CDK14: variants seen among roughly 807,000 people sequenced by gnomAD.
CDK14 encodes the protein cyclin-dependent kinase 14.
Under a neutral mutation model 60.7 loss-of-function variants are expected in CDK14, and 34 were observed. The ratio of observed to expected loss-of-function variants is 0.56; its 90% CI spans 0.43 to 0.75. CDK14 has a LOEUF of 0.75. Among genes scored for constraint, CDK14 ranks in the 30% least tolerant of loss-of-function variants. The pLI is 0.00. For synonymous variants in CDK14, 197 were observed against 203.7 expected (o/e 0.97, Z 0.28); for missense variants, 482 against 564.1 (o/e 0.85, Z 1.47).
chr7:90,856,537 T>G (rs1314834648), intron 5 of CDK14, among the ~76,000 whole-genome samples: 2 of 152,196 alleles, frequency 1.3e-5, no homozygotes, highest in Non-Finnish European at 2.9e-5. Context: ...ATGAATGCAC[T>G]AACCCGGAGC....
intron 6 of CDK14, among the ~76,000 whole-genome samples, chr7:90,882,562 C>G (rs1400950744): frequency 1.3e-5 from 2 of 152,174 alleles, no homozygotes; most frequent in Admixed American, 1.3e-4. Flanking sequence ...CAAGGATATT[C>G]AGGACTTGAA....
At chr7:91,132,269 A>T (rs1196524256) in intron 14 of CDK14, among the ~76,000 whole-genome samples, 6 of 152,182 alleles carry the variant, frequency 3.9e-5, no homozygotes, top group Admixed American at 3.3e-4. Context: ...TGGATTTTGC[A>T]TGGGCATACA....
intron 11 of CDK14, among the ~76,000 whole-genome samples, chr7:91,049,998 A>G (rs1010980979): frequency 2.0e-5 from 3 of 152,200 alleles, no homozygotes; most frequent in African/African-American, 7.2e-5. Context: ...AAAAGAAGAC[A>G]TTTGACTGAA....
rs747439482 is a variant in CDK14 at position 90,874,503 on chromosome 7, C to CTTTTTTTTTTTTTTT, written c.639+11256_639+11270dup. On this transcript the variant is annotated intron_variant, in intron 6 of 14. Coordinates refer to ENST00000380050, the MANE Select transcript of CDK14 (RefSeq NM_001287135.2). The stretch of plus-strand genomic sequence containing the variant: ...ATCTGGAATCTCATGTCCTTTCATC[C>CTTTTTTTTTTTTTTT]TTTTTTTTTTTTTTTTTTTTTTTTT... Among the ~76,000 whole-genome samples, 3 of 48,010 alleles carry CTTTTTTTTTTTTTTT rather than the reference C, an allele frequency of 6.2e-5. 1 individual carries two copies. Among genetic ancestry groups the CTTTTTTTTTTTTTTT allele is most frequent in the Non-Finnish European group, 1.2e-4 (3 of 25,602 alleles). The allele number at this position is 48,010 out of a possible 152,430, so 31.5% of individuals were successfully genotyped here.
chr7:90,787,180 T>C (rs980591912), intron 4 of CDK14, among the ~76,000 whole-genome samples: 5 of 152,146 alleles, frequency 3.3e-5, no homozygotes, highest in African/African-American at 1.2e-4. Flanking sequence ...AGTGTAATTC[T>C]TAATGAGAAA....
At chr7:91,032,663 G>C (rs1796794863) in intron 10 of CDK14, among the ~76,000 whole-genome samples, 1 of 152,150 alleles carries the variant, frequency 6.6e-6, no homozygotes, top group South Asian at 2.1e-4. Context: ...GCAAGAAACT[G>C]CTTCTCCCCT....
chr7:91,043,865 G>A (rs1239216808), intron 10 of CDK14, among the ~76,000 whole-genome samples: 1 of 152,200 alleles, frequency 6.6e-6, no homozygotes, highest in African/African-American at 2.4e-5. Flanking sequence ...GTAGGAAGCA[G>A]GGAGTTTGGC....
At chr7:90,645,659 A>G (rs565256531) in intron 2 of CDK14, among the ~76,000 whole-genome samples, 1 of 152,322 alleles carries the variant, frequency 6.6e-6, no homozygotes, top group South Asian at 2.1e-4. Flanking sequence ...GTCCTACTAC[A>G]TACTTGATAA....
At chr7:90,883,785 T>A (rs1359223028) in intron 6 of CDK14, among the ~76,000 whole-genome samples, 1 of 152,212 alleles carries the variant, frequency 6.6e-6, no homozygotes, top group Non-Finnish European at 1.5e-5. Context: ...TGGCTTAACA[T>A]ATGCAAATCA....
chr7:90,889,758 G>A (rs568660011), intron 6 of CDK14, among the ~76,000 whole-genome samples: 78 of 152,188 alleles, frequency 5.1e-4, no homozygotes, highest in African/African-American at 1.8e-3. Context: ...ACATAAACAG[G>A]CATTGTAATG....
rs373447112 is a variant in CDK14 at position 90,880,925 on chromosome 7, C to T, written c.639+17656C>T. Among the ~76,000 whole-genome samples the T allele has an allele frequency of 1.2e-4, 18 of 152,254 alleles. No homozygotes were observed. In the South Asian group the frequency reaches 3.7e-3, roughly 32 times the overall value. On this transcript the variant is annotated intron_variant, in intron 6 of 14. Coordinates refer to ENST00000380050, the MANE Select transcript of CDK14 (RefSeq NM_001287135.2). ...AACAACAAAAAGATCTCCACAAAAACCCCATTCAAGGTTCAGCAGCCTCGA... is the reference window on the plus strand; with the variant it reads ...AACAACAAAAAGATCTCCACAAAAATCCCATTCAAGGTTCAGCAGCCTCGA...
chr7:90,967,043 G>C (rs2117612395), intron 9 of CDK14, among the ~76,000 whole-genome samples: 1 of 151,382 alleles, frequency 6.6e-6, no homozygotes, highest in Non-Finnish European at 1.5e-5. Flanking sequence ...TTGAGGGCAA[G>C]AACCAGGTCT....
intron 12 of CDK14, among the ~76,000 whole-genome samples, chr7:91,095,570 C>T (rs1302133246): frequency 6.6e-6 from 1 of 152,112 alleles, no homozygotes; most frequent in African/African-American, 2.4e-5. Flanking sequence ...TTTAAAAAGA[C>T]TTGGTATCAA....
At chr7:90,731,295 C>G (rs988493045) in intron 3 of CDK14, among the ~76,000 whole-genome samples, 1 of 152,080 alleles carries the variant, frequency 6.6e-6, no homozygotes, top group African/African-American at 2.4e-5. Flanking sequence ...GTGATGCCTC[C>G]AGCTTTGTTC....
chr7:90,729,352 T>TTTTG (rs1802766150), intron 3 of CDK14, among the ~76,000 whole-genome samples: 1 of 122,468 alleles, frequency 8.2e-6, no homozygotes, highest in Non-Finnish European at 1.7e-5. Context: ...AGGTTTTTTT[T>TTTTG]TTTTTTTTTT....
intron 8 of CDK14, among the ~76,000 whole-genome samples, chr7:90,935,199 A>G (rs968848713): frequency 6.6e-6 from 1 of 152,190 alleles, no homozygotes; most frequent in Non-Finnish European, 1.5e-5. Context: ...TCCTGCCATA[A>G]TGCCATTAAT....
chr7:90,794,494 A>G (rs866171567), intron 5 of CDK14, among the ~76,000 whole-genome samples: 3 of 152,106 alleles, frequency 2.0e-5, no homozygotes, highest in Admixed American at 6.6e-5. Flanking sequence ...CCCCTTGGCA[A>G]TGCATTCTCT....
At chr7:91,129,465 C>G (rs111629735) in intron 14 of CDK14, among the ~76,000 whole-genome samples, 2,785 of 152,218 alleles carry the variant, frequency 0.018, 62 homozygotes, top group South Asian at 0.098. Flanking sequence ...GGAAGTTTGC[C>G]TAAGTCATTT....
chr7:90,764,627 A>T (rs1394747618), intron 4 of CDK14, among the ~76,000 whole-genome samples: 1 of 152,228 alleles, frequency 6.6e-6, no homozygotes, highest in East Asian at 1.9e-4. Flanking sequence ...GATCTGACAG[A>T]AAGGAAATTA....
Sources: allele counts gnomAD v4.1 joint callset (sites outside exome capture counted in the v4.1 genomes callset), GRCh38; gene constraint gnomAD v4.1.1; transcripts MANE v1.5; gene names NCBI Gene and HGNC (gene_info 2026-07-23, HGNC 2026-07-21).